Variants in PLCL2 observed in about 807,000 individuals in gnomAD.
The protein encoded by PLCL2 is inactive phospholipase C-like protein 2.
PLCL2 carries 4 observed loss-of-function variants against 79.6 expected under a neutral mutation model. That is an observed-to-expected ratio of 0.05 (90% CI 0.02 to 0.11). PLCL2 has a LOEUF of 0.11. Ranked by LOEUF, PLCL2 falls within the 10% of genes least tolerant of loss-of-function variation. The probability of loss-of-function intolerance (pLI) is 1.00; values close to 1 mark genes in which losing one functional copy is unlikely to be tolerated. For synonymous variants in PLCL2, 484 were observed against 457.7 expected (o/e 1.06, Z -0.73); for missense variants, 895 against 1,291.0 (o/e 0.69, Z 4.70).
At chr3:17,044,434 A>G (rs1480104495) in intron 4 of PLCL2, among the ~76,000 whole-genome samples, 1 of 152,184 alleles carries the variant, frequency 6.6e-6, no homozygotes, top group East Asian at 1.9e-4. Context: ...TCAAGATTCC[A>G]GGATTTATGT....
chr3:17,041,096 A>G (rs1230121488), intron 3 of PLCL2, among the ~76,000 whole-genome samples: 4 of 152,206 alleles, frequency 2.6e-5, no homozygotes, highest in Admixed American at 1.3e-4. Flanking sequence ...GACCTTTTCA[A>G]TATGCAAATT....
chr3:16,896,257 C>T (rs954507787), intron 1 of PLCL2, among the ~76,000 whole-genome samples: 1 of 151,914 alleles, frequency 6.6e-6, no homozygotes, highest in African/African-American at 2.4e-5. Flanking sequence ...GACACTTGTA[C>T]GTGGTGAGAC....
chr3:16,910,084 G>A (rs1355017932), intron 1 of PLCL2, among the ~76,000 whole-genome samples: 1 of 152,072 alleles, frequency 6.6e-6, no homozygotes, highest in African/African-American at 2.4e-5. Flanking sequence ...CTCTCCTGTA[G>A]CACCAGTTTT....
intron 1 of PLCL2, among the ~76,000 whole-genome samples, chr3:16,895,712 AATGCCTATCTT>A (rs1190168906): frequency 6.6e-6 from 1 of 152,216 alleles, no homozygotes; most frequent in Non-Finnish European, 1.5e-5. Context: ...CAACAACTCA[AATGCCTATCTT>A]ATAAAATAGC....
chr3:17,085,663 A>G (rs1040327585), intron 5 of PLCL2, among the ~76,000 whole-genome samples: 21 of 147,694 alleles, frequency 1.4e-4, no homozygotes, highest in African/African-American at 5.3e-4. Context: ...GTTAGCCAGG[A>G]TGGTCTCGAT....
At chr3:16,921,441 A>C (rs922603013) in intron 1 of PLCL2, among the ~76,000 whole-genome samples, 2 of 152,224 alleles carry the variant, frequency 1.3e-5, no homozygotes, top group Non-Finnish European at 2.9e-5. Flanking sequence ...CATTCTTGGC[A>C]AGCTGATAGA....
At chr3:16,932,143 C>T (rs983808494) in intron 1 of PLCL2, among the ~76,000 whole-genome samples, 1 of 152,134 alleles carries the variant, frequency 6.6e-6, no homozygotes, top group Non-Finnish European at 1.5e-5. Flanking sequence ...TATGGTAATT[C>T]GTTATGGCTG....
intron 1 of PLCL2, among the ~76,000 whole-genome samples, chr3:16,903,150 T>C (rs1298943604): frequency 6.6e-6 from 1 of 152,188 alleles, no homozygotes; most frequent in Non-Finnish European, 1.5e-5. Flanking sequence ...GTGAAGCAAT[T>C]ATTTTCTTTT....
intron 1 of PLCL2, among the ~76,000 whole-genome samples, chr3:16,975,486 C>T (rs1252552684): frequency 6.6e-6 from 1 of 152,140 alleles, no homozygotes; most frequent in Non-Finnish European, 1.5e-5. Flanking sequence ...GATCAGAATT[C>T]CTAATTACAG....
intron 1 of PLCL2, among the ~76,000 whole-genome samples, chr3:16,955,917 G>C (rs945856670): frequency 3.3e-5 from 5 of 152,196 alleles, no homozygotes; most frequent in Non-Finnish European, 7.3e-5. Flanking sequence ...ATCAGCTTAA[G>C]GAGATTTTGG....
Position 16,916,080 on chromosome 3 carries a change from A to C in PLCL2, c.327+30714A>C, listed in dbSNP as rs142840151. ...AAAAAGCATTCTGTGTTTTCATCTG[A>C]CTAAAAGTTTTTCCTTCGCTTGTTG... On this transcript the variant is annotated intron_variant, in intron 1 of 5. Transcript: ENST00000615277. Among the ~76,000 whole-genome samples the C allele has an allele frequency of 7.1e-3, 1,085 of 152,290 alleles. 18 individuals carry two copies. The highest frequency in any genetic ancestry group is 0.024 in the African/African-American group (988 of 41,558).
intron 1 of PLCL2, among the ~76,000 whole-genome samples, chr3:16,995,973 C>CT (rs931844451): frequency 6.6e-6 from 1 of 152,134 alleles, no homozygotes; most frequent in Non-Finnish European, 1.5e-5. Context: ...CACCGAAGGC[C>CT]TAGGGTTTCA....
intron 1 of PLCL2, among the ~76,000 whole-genome samples, chr3:16,907,186 CT>C (rs11297242): frequency 0.15 from 22,255 of 151,932 alleles, 2,086 homozygotes; most frequent in African/African-American, 0.27. Flanking sequence ...TAACTTATAC[CT>C]CAAAATTTGT....
At chr3:17,017,680 G>T (rs1464028862) in intron 3 of PLCL2, among the ~76,000 whole-genome samples, 1 of 152,162 alleles carries the variant, frequency 6.6e-6, no homozygotes, top group Non-Finnish European at 1.5e-5. Flanking sequence ...AAGGCAAGTT[G>T]AGAAACTCCT....
At chr3:17,067,045 C>T (rs1472075320) in intron 4 of PLCL2, among the ~76,000 whole-genome samples, 4 of 152,072 alleles carry the variant, frequency 2.6e-5, no homozygotes, top group South Asian at 2.1e-4. Flanking sequence ...AAAAGCACTT[C>T]CCTCCACCAC....
intron 1 of PLCL2, among the ~76,000 whole-genome samples, chr3:16,970,418 T>A (rs1211062088): frequency 2.0e-5 from 3 of 150,002 alleles, no homozygotes; most frequent in African/African-American, 7.4e-5. Flanking sequence ...TGCATAGTAT[T>A]CCATGGTGTA....
intron 1 of PLCL2, among the ~76,000 whole-genome samples, chr3:16,913,612 T>G (rs1477504595): frequency 2.0e-5 from 3 of 152,074 alleles, no homozygotes; most frequent in Non-Finnish European, 4.4e-5. Flanking sequence ...TTACATTTAG[T>G]CAAAGATTTT....
chr3:16,991,420 T>C (rs1022567090), intron 1 of PLCL2, among the ~76,000 whole-genome samples: 2 of 152,224 alleles, frequency 1.3e-5, no homozygotes, highest in African/African-American at 4.8e-5. Context: ...AGGATTCTGA[T>C]CACCTCTCTG....
intron 4 of PLCL2, among the ~76,000 whole-genome samples, chr3:17,050,516 T>C (rs575567979): frequency 6.6e-6 from 1 of 152,268 alleles, no homozygotes; most frequent in African/African-American, 2.4e-5. Context: ...AAAGAAGACA[T>C]ACAAATGAAA....
Sources: gnomAD v4.1 joint callset for allele counts (sites outside exome capture counted in the v4.1 genomes callset) on GRCh38, gnomAD v4.1.1 for gene constraint, MANE v1.5 for transcripts, NCBI Gene and HGNC (gene_info 2026-07-23, HGNC 2026-07-21) for gene names.